ZDHHC8: variants seen among roughly 807,000 people sequenced by gnomAD.
The protein encoded by ZDHHC8 is zDHHC palmitoyltransferase 8, also known as palmitoyltransferase ZDHHC8.
ZDHHC8 carries 24 observed loss-of-function variants against 61.2 expected under a neutral mutation model. The ratio of observed to expected loss-of-function variants is 0.39; its 90% confidence interval spans 0.28 to 0.55. ZDHHC8 has a LOEUF of 0.55. Ranked by LOEUF, ZDHHC8 falls within the 20% of genes least tolerant of loss-of-function variation. ZDHHC8 has a pLI of 0.60. For missense variants in ZDHHC8, 935 were observed against 1,102.1 expected, an observed-to-expected ratio of 0.85 and a Z score of 2.15; for synonymous variants, 523 against 492.5, an observed-to-expected ratio of 1.06 and a Z score of -0.82.
chr22:20,146,870 C>A lies in ZDHHC8; in HGVS notation c.*1470C>A. The A allele has an allele frequency of 7.9e-7, 1 of 1,270,492 alleles. No homozygotes were observed. Among genetic ancestry groups the A allele is most frequent in the Non-Finnish European group, 9.9e-7 (1 of 1,009,372 alleles). 78.7% of individuals were successfully genotyped at this position (1,270,492 alleles called of 1,614,324 possible). ...TCTCCTGCCTGCCACATGCCAGGGGCAGGGCTGAGGGAGTGTGAGGGATGC... is the reference window on the plus strand; with the variant it reads ...TCTCCTGCCTGCCACATGCCAGGGGAAGGGCTGAGGGAGTGTGAGGGATGC... On this transcript the variant is annotated 3_prime_UTR_variant, in exon 11 of 11. Transcript: ENST00000334554.
In ZDHHC8 at chr22:20,142,854, G is replaced by T; in HGVS notation, c.1224G>T (p.Gly408=). 1 of 1,612,494 alleles carries T rather than the reference G, an allele frequency of 6.2e-7. No homozygotes were observed. Residue 408 remains glycine (G), a synonymous_variant, in exon 10 of 11, where the codon GGG becomes GGT. Transcript: ENST00000334554. ...PSLDLPDYGP[G]GLHAAYPPSP... ...TGGACCTCCCTGACTATGGGCCAGG[G>T]GGCCTGCATGCAGCCTACCCGCCAT...
chr22:20,143,815 C>T, intron 10 of ZDHHC8, 59 bp downstream of exon 10: 1 of 1,525,560 alleles, frequency 6.6e-7, no homozygotes, highest in South Asian at 1.2e-5. Context: ...CAGCCGTCTC[C>T]AGGGCCCCTC....
Position 20,142,897 on chromosome 22 carries a change from T to A in ZDHHC8, c.1267T>A (p.Ser423Thr). 1 of 1,611,042 alleles carries A rather than the reference T, an allele frequency of 6.2e-7. No homozygotes were observed. The highest frequency in any genetic ancestry group is 8.5e-7 in the Non-Finnish European group (1 of 1,179,184). Residue 423 changes from serine (S) to threonine (T), a missense_variant, in exon 10 of 11, where the codon TCT becomes ACT. By Grantham distance (58) the Ser-to-Thr change is moderately conservative (BLOSUM62 1). Transcript: ENST00000334554. ...CCCGCCATCCCCACCGCTCAGCGCCTCTGATGCCTTCTCGGGCGCTTTGCG... is the reference window on the plus strand; with the variant it reads ...CCCGCCATCCCCACCGCTCAGCGCCACTGATGCCTTCTCGGGCGCTTTGCG... ...AYPPSPPLSA[S>T]DAFSGALRSL...
At chr22:20,137,605 G>T (rs545351022) in intron 1 of ZDHHC8, among the ~76,000 whole-genome samples, 1 of 152,366 alleles carries the variant, frequency 6.6e-6, no homozygotes, top group African/African-American at 2.4e-5. Context: ...TAAGGGGCCC[G>T]CAGTTTCATT....
intron 9 of ZDHHC8, 81 bp from the exon 10 acceptor site, chr22:20,142,675 T>G: frequency 6.4e-7 from 1 of 1,571,570 alleles, no homozygotes; most frequent in Non-Finnish European, 8.7e-7. Flanking sequence ...CACGGTGCCA[T>G]GTGTGGCCCC....
chr22:20,139,453 T>C (rs745496054), intron 2 of ZDHHC8, 25 bp from the exon 3 acceptor site: 2 of 1,610,390 alleles, frequency 1.2e-6, no homozygotes, highest in African/African-American at 1.3e-5. Flanking sequence ...AACTTCCTGC[T>C]CACTGCCTGG....
intron 1 of ZDHHC8, among the ~76,000 whole-genome samples, chr22:20,135,183 G>A (rs1384072311): frequency 6.6e-6 from 1 of 152,014 alleles, no homozygotes; most frequent in Non-Finnish European, 1.5e-5. Flanking sequence ...GAGCTCAGGT[G>A]ATCTGCCAGC....
At chr22:20,133,386 G>T (rs1307253495) in intron 1 of ZDHHC8, among the ~76,000 whole-genome samples, 3 of 152,132 alleles carry the variant, frequency 2.0e-5, no homozygotes, top group Non-Finnish European at 2.9e-5. Flanking sequence ...GGTCTGGCTT[G>T]GTTCCTTACT....
intron 9 of ZDHHC8, 121 bp from the exon 10 acceptor site, chr22:20,142,635 T>A (rs1221690732): frequency 1.5e-6 from 2 of 1,326,696 alleles, no homozygotes; most frequent in East Asian, 4.8e-5. Context: ...ATGTGGCTCT[T>A]ATGGCTCCTT....
chr22:20,138,974 G>A (rs927881605), intron 1 of ZDHHC8, among the ~76,000 whole-genome samples: 1 of 152,190 alleles, frequency 6.6e-6, no homozygotes, highest in Non-Finnish European at 1.5e-5. Context: ...CCGGGTCAGG[G>A]CACGGGTAGC....
Position 20,147,090 on chromosome 22 carries a change from C to G in ZDHHC8, c.*1690C>G. The G allele has an allele frequency of 1.3e-6, 2 of 1,530,366 alleles. No individual in the cohort carries two copies. Among genetic ancestry groups the G allele is most frequent in the Non-Finnish European group, 1.8e-6 (2 of 1,139,740 alleles). The allele number at this position is 1,530,366 out of a possible 1,614,324, so 94.8% of individuals were successfully genotyped here. A position where few individuals can be genotyped will look rare whatever the true frequency, so the allele number is the denominator to read the frequency against. ...AGCCTTGGGTGCCTCCTGGGCTGCA[C>G]CTGTGCCACCTTGGCCGCCCGGAGG... On this transcript the variant is annotated 3_prime_UTR_variant, in exon 11 of 11. Coordinates refer to ENST00000334554, the MANE Select transcript of ZDHHC8 (RefSeq NM_013373.4).
rs1568995215 is a variant in ZDHHC8, at chr22:20,143,187, G to T, written c.1557G>T (p.Arg519=). The T allele has an allele frequency of 1.9e-6, 3 of 1,609,786 alleles. No individual in the cohort carries two copies. The highest frequency in any genetic ancestry group is 1.1e-5 in the South Asian group (1 of 91,030). ...LHPGATGDPP[R]PLPRSFSPVL... The stretch of plus-strand genomic sequence containing the variant: ...CTGGGGCAACGGGCGACCCGCCACG[G>T]CCCCTACCCCGCAGCTTCAGCCCCG... Residue 519 remains arginine, a synonymous_variant, in exon 10 of 11, where the codon CGG becomes CGT. Transcript: ENST00000334554.
intron 10 of ZDHHC8, among the ~76,000 whole-genome samples, chr22:20,144,395 G>A (rs1602576742): frequency 1.3e-5 from 2 of 152,338 alleles, no homozygotes; most frequent in African/African-American, 4.8e-5. Flanking sequence ...GTCCAGGTAG[G>A]AGAGCTGCAC....
intron 10 of ZDHHC8, among the ~76,000 whole-genome samples, chr22:20,144,362 G>A (rs567859177): frequency 6.6e-6 from 1 of 152,326 alleles, no homozygotes; most frequent in Admixed American, 6.5e-5. Context: ...GAGAAGGCGG[G>A]GTCAGCTGGC....
chr22:20,132,253 G>T (rs1311124550), intron 1 of ZDHHC8, among the ~76,000 whole-genome samples: 1 of 152,210 alleles, frequency 6.6e-6, no homozygotes, highest in East Asian at 1.9e-4. Flanking sequence ...GGGCACCGGG[G>T]TGAGTCCCTT....
rs201769922 is a variant in ZDHHC8 at position 20,139,713 on chromosome 22, C to T, written c.385-7C>T. On this transcript the variant is annotated splice_region_variant and splice_polypyrimidine_tract_variant and intron_variant, in intron 3 of 10. Transcript: ENST00000334554. The stretch of plus-strand genomic sequence containing the variant: ...GCCATGTGCCCTGATGCACTGCTCC[C>T]GCCCAGGACTTTGACCACCACTGCC... 1,437 of 1,611,896 alleles carry T rather than the reference C, an allele frequency of 8.9e-4. 1 individual carries two copies. Among genetic ancestry groups the T allele is most frequent in the Non-Finnish European group, 1.1e-3 (1,346 of 1,179,976 alleles).
chr22:20,139,667 C>T (rs2050450646), intron 3 of ZDHHC8, 32 bp downstream of exon 3: 4 of 1,611,306 alleles, frequency 2.5e-6, no homozygotes, highest in Non-Finnish European at 3.4e-6. Context: ...GCTCCCCCAG[C>T]CCTGTGCCAC....
In ZDHHC8 at chr22:20,146,417, ATATATC is replaced by A. The variant is rs1040506548; in HGVS notation, c.*1022_*1027del. The A allele has an allele frequency of 6.1e-6, 6 of 983,852 alleles. No individual in the cohort carries two copies. The African/African-American group carries it at 8.8e-5, about 14-fold the overall frequency. 60.9% of individuals were successfully genotyped at this position (983,852 alleles called of 1,614,324 possible). A position where few individuals can be genotyped will look rare whatever the true frequency, so the allele number is the denominator to read the frequency against. On this transcript the variant is annotated 3_prime_UTR_variant, in exon 11 of 11. Coordinates refer to ENST00000334554, the MANE Select transcript of ZDHHC8 (RefSeq NM_013373.4). The stretch of plus-strand genomic sequence containing the variant: ...GTTTTATGTTTTTATATCTACATCT[ATATATC>A]TATAATTTTATTAAAAAAAAGAAAA...
rs2050375377 is a variant in ZDHHC8, at chr22:20,131,837, C to T, written c.-111C>T. 1 of 347,634 alleles carries T rather than the reference C, an allele frequency of 2.9e-6. No individual in the cohort carries two copies. The highest frequency in any genetic ancestry group is 4.0e-6 in the Non-Finnish European group (1 of 248,902). The allele number at this position is 347,634 out of a possible 1,614,324, so 21.5% of individuals were successfully genotyped here. On this transcript the variant is annotated 5_prime_UTR_variant, in exon 1 of 11. Coordinates refer to ENST00000334554, the MANE Select transcript of ZDHHC8 (RefSeq NM_013373.4). ...GGATTTCCTCCGCCGCCGCCGCCGC[C>T]GCCGCCGCGGGTCCTGCGCCGCGTC...
Sources: gnomAD v4.1 joint callset for allele counts (sites outside exome capture counted in the v4.1 genomes callset) on GRCh38, gnomAD v4.1.1 for gene constraint, MANE v1.5 for transcripts, NCBI Gene and HGNC (gene_info 2026-07-23, HGNC 2026-07-21) for gene names.